TLN2: variants seen among roughly 807,000 people sequenced by gnomAD.
TLN2 encodes the protein talin 2, also known as talin-2.
Under a neutral mutation model 294.7 loss-of-function variants are expected in TLN2, and 118 were observed. That is an observed-to-expected ratio of 0.40 (90% CI 0.34 to 0.47). The LOEUF is 0.47. Among genes scored for constraint, TLN2 ranks in the 20% least tolerant of loss-of-function variants. The pLI, the probability that TLN2 is intolerant of heterozygous loss-of-function variation, is 0.84. For missense variants in TLN2, 3,083 were observed against 3,282.2 expected (o/e 0.94, Z 1.48); for synonymous variants, 1,431 against 1,304.5 (o/e 1.10, Z -2.09).
At chr15:62,501,354 G>T (rs1279811985) in intron 1 of TLN2, among the ~76,000 whole-genome samples, 1 of 152,130 alleles carries the variant, frequency 6.6e-6, no homozygotes. Context: ...TCCAGCTGAG[G>T]CCAAGGGCAG....
At chr15:62,494,521 G>C in intron 1 of TLN2, among the ~76,000 whole-genome samples, 1 of 152,080 alleles carries the variant, frequency 6.6e-6, no homozygotes, top group Non-Finnish European at 1.5e-5. Flanking sequence ...CAGAAGTTCA[G>C]GCCCCAGAGG....
intron 12 of TLN2, among the ~76,000 whole-genome samples, chr15:62,690,856 A>C (rs1360301451): frequency 6.6e-6 from 1 of 151,826 alleles, no homozygotes; most frequent in African/African-American, 2.4e-5. Flanking sequence ...ACCAAAAAAA[A>C]TACGAAAACC....
chr15:62,805,907 G>A, intron 51 of TLN2, 122 bp downstream of exon 51: 1 of 1,102,424 alleles, frequency 9.1e-7, no homozygotes, highest in Non-Finnish European at 1.3e-6. Context: ...AATGCACACA[G>A]GGCCAGGGGT....
At chr15:62,400,457 G>A (rs2032935868) in intron 1 of TLN2, among the ~76,000 whole-genome samples, 1 of 152,108 alleles carries the variant, frequency 6.6e-6, no homozygotes, top group Admixed American at 6.6e-5. Flanking sequence ...AGATATTTGG[G>A]GATTTAATGA....
chr15:62,703,347 G>A (rs1462931354), intron 19 of TLN2, among the ~76,000 whole-genome samples: 8 of 151,946 alleles, frequency 5.3e-5, no homozygotes, highest in Admixed American at 2.0e-4. Context: ...TGATCTGCCC[G>A]TCTCGGCCTC....
chr15:62,692,051 C>CT (rs2057964953), intron 12 of TLN2, among the ~76,000 whole-genome samples: 1 of 152,218 alleles, frequency 6.6e-6, no homozygotes, highest in South Asian at 2.1e-4. Flanking sequence ...GTGTAGTATT[C>CT]TGGCCTACTT....
At chr15:62,617,315 C>G (rs1045650072) in intron 2 of TLN2, among the ~76,000 whole-genome samples, 5 of 152,092 alleles carry the variant, frequency 3.3e-5, no homozygotes, top group African/African-American at 1.2e-4. Flanking sequence ...CTGAAGATGA[C>G]CACAGTGACT....
intron 2 of TLN2, among the ~76,000 whole-genome samples, chr15:62,613,370 G>C (rs2140830656): frequency 6.6e-6 from 1 of 152,270 alleles, no homozygotes; most frequent in East Asian, 1.9e-4. Context: ...CTAGAAAGTA[G>C]ACAAACCTGT....
intron 54 of TLN2, among the ~76,000 whole-genome samples, chr15:62,825,789 T>TTA (rs1555521881): frequency 1.2e-5 from 1 of 83,610 alleles, no homozygotes; most frequent in Admixed American, 1.9e-4. Context: ...ATATTATATA[T>TTA]TATAATATAT....
intron 35 of TLN2, among the ~76,000 whole-genome samples, chr15:62,753,541 AC>A (rs2062053739): frequency 6.6e-6 from 1 of 152,220 alleles, no homozygotes; most frequent in South Asian, 2.1e-4. Flanking sequence ...TCTCAGAAGA[AC>A]AAGGACACTT....
rs2062809247 is a variant in TLN2, at chr15:62,763,584, G to A, written c.4983G>A (p.Arg1661=). The A allele has an allele frequency of 6.2e-7, 1 of 1,613,024 alleles. No individual in the cohort carries two copies. Among genetic ancestry groups the A allele is most frequent in the African/African-American group, 1.3e-5 (1 of 74,914 alleles). ...TSIRDKAPGQ[R]ECDYSIDGIN... ...CCAGGGACAAGGCCCCTGGACAGAG[G>A]GAGTGTGATTACTCCATCGATGGCA... is the stretch of plus-strand genomic sequence containing the variant. Residue 1661 remains arginine, a synonymous_variant, in exon 40 of 59, where the codon AGG becomes AGA. Transcript: ENST00000636159.
At position 62,840,678 on chromosome 15, in the gene TLN2, G is replaced by A; in HGVS notation, c.*68G>A. The stretch of plus-strand genomic sequence containing the variant: ...TGAACTGGACAGACAGTGTTCCTGA[G>A]AGGCTGGGCACTTAGCTGGAAACCG... On this transcript the variant is annotated 3_prime_UTR_variant, in exon 59 of 59. Coordinates refer to ENST00000636159, the MANE Select transcript of TLN2 (RefSeq NM_015059.3). 1 of 1,556,286 alleles carries A rather than the reference G, an allele frequency of 6.4e-7. No homozygotes were observed. The highest frequency in any genetic ancestry group is 8.7e-7 in the Non-Finnish European group (1 of 1,152,664).
chr15:62,702,315 C>G lies in TLN2; in HGVS notation c.1905+115C>G. 2.5e-6 allele frequency: 3 copies of G among 1,176,670 alleles called. No individual in the cohort carries two copies. The South Asian group carries it at 4.7e-5, about 18-fold the overall frequency. The allele number at this position is 1,176,670 out of a possible 1,614,324, so 72.9% of individuals were successfully genotyped here. ...CCTTGCGTCTTGATGGGGTGTGTTTCTCTCTGCAGGAGTAACTGGAGTTGT... is the reference window on the plus strand; with the variant it reads ...CCTTGCGTCTTGATGGGGTGTGTTTGTCTCTGCAGGAGTAACTGGAGTTGT... On this transcript the variant is annotated intron_variant, in intron 18 of 58. Transcript: ENST00000636159.
chr15:62,638,437 G>A (rs1317711906), intron 3 of TLN2: 2 of 427,484 alleles, frequency 4.7e-6, no homozygotes, highest in Admixed American at 5.5e-5. Context: ...GGAATTCCAG[G>A]TGCCAGTGCC....
At chr15:62,742,844 CAG>C in intron 32 of TLN2, among the ~76,000 whole-genome samples, 2 of 152,314 alleles carry the variant, frequency 1.3e-5, no homozygotes, top group Admixed American at 1.3e-4. Context: ...TGTTTCTCAG[CAG>C]AGACTCCAGC....
intron 3 of TLN2, among the ~76,000 whole-genome samples, chr15:62,639,796 C>A (rs940529066): frequency 7.2e-5 from 11 of 152,166 alleles, no homozygotes; most frequent in African/African-American, 2.4e-4. Context: ...TAACCAGGTC[C>A]CAGTGGGTTG....
chr15:62,725,125 G>A (rs1175656143), intron 27 of TLN2, 21 bp downstream of exon 27: 1 of 1,599,314 alleles, frequency 6.3e-7, no homozygotes, highest in Non-Finnish European at 8.5e-7. Context: ...AGAGCCAGCT[G>A]GGGTGCGGGT....
At chr15:62,735,221 G>A (rs1283777542) in intron 28 of TLN2, among the ~76,000 whole-genome samples, 5 of 152,224 alleles carry the variant, frequency 3.3e-5, no homozygotes, top group African/African-American at 1.2e-4. Flanking sequence ...ATGAGCTCTA[G>A]GGTAAGCTGT....
intron 1 of TLN2, among the ~76,000 whole-genome samples, chr15:62,508,330 C>T (rs1010104318): frequency 6.6e-6 from 1 of 152,110 alleles, no homozygotes; most frequent in Non-Finnish European, 1.5e-5. Context: ...GATTCTCCTG[C>T]CTCAGCCTCC....
Sources: allele counts gnomAD v4.1 joint callset (sites outside exome capture counted in the v4.1 genomes callset), GRCh38; gene constraint gnomAD v4.1.1; transcripts MANE v1.5; gene names NCBI Gene and HGNC (gene_info 2026-07-23, HGNC 2026-07-21).